Variants in FCAR observed in about 807,000 individuals in gnomAD.
FCAR encodes the protein immunoglobulin alpha Fc receptor.
A neutral mutation model predicts 27.1 loss-of-function variants in FCAR; 21 were observed. That is an observed-to-expected ratio of 0.77 (90% CI 0.55 to 1.11). The LOEUF is 1.11. FCAR is among the 50% of genes most tolerant of loss of function. The probability of loss-of-function intolerance (pLI) is 0.00; values close to 1 mark genes in which losing one functional copy is unlikely to be tolerated. For synonymous variants in FCAR, 134 were observed against 135.8 expected, an observed-to-expected ratio of 0.99 and a Z score of 0.09; for missense variants, 404 against 358.4, an observed-to-expected ratio of 1.13 and a Z score of -1.03.
chr19:54,887,922 A>T, intron 3 of FCAR, 85 bp from the exon 4 acceptor site: 1 of 1,153,888 alleles, frequency 8.7e-7, no homozygotes, highest in South Asian at 1.9e-5. Context: ...CATCTCAAAA[A>T]AATATATAAT....
rs587688086 is a variant in FCAR at position 54,880,308 on chromosome 19, A to G, written c.71-4927A>G. On this transcript the variant is annotated intron_variant, in intron 2 of 4. Coordinates refer to ENST00000355524, the MANE Select transcript of FCAR (RefSeq NM_002000.4). ...GAATTAGTTCAGAGAGCCAGTATTC[A>G]TGCTCTGAGATTCTTTCCTTATTTT... 7.0e-4 allele frequency among the ~76,000 whole-genome samples: 106 copies of G among 152,274 alleles called. 1 individual carries two copies. The highest frequency in any genetic ancestry group is 3.9e-3 in the South Asian group (19 of 4,826).
chr19:54,889,392 AC>A (rs368498890), intron 4 of FCAR, among the ~76,000 whole-genome samples: 6,700 of 112,630 alleles, frequency 0.059, 358 homozygotes, highest in African/African-American at 0.13. Context: ...AAAAAAAAAA[AC>A]ACACACAACC....
rs1183585480 is a variant in FCAR, at chr19:54,891,117, G to C, written c.*1254G>C. On this transcript the variant is annotated 3_prime_UTR_variant, in exon 5 of 5. Transcript: ENST00000355524. ...AATTCTTGTGTACAAAACTCAAATGGTCTTCCAAATAATTCCCCATTCTTT... is the reference window on the plus strand; with the variant it reads ...AATTCTTGTGTACAAAACTCAAATGCTCTTCCAAATAATTCCCCATTCTTT... The C allele has an allele frequency of 6.6e-6, 1 of 152,048 alleles. No individual in the cohort carries two copies. The highest frequency in any genetic ancestry group is 1.5e-5 in the Non-Finnish European group (1 of 68,024). The allele number at this position is 152,048 out of a possible 1,614,324, so 9.4% of individuals were successfully genotyped here. A position where few individuals can be genotyped will look rare whatever the true frequency, so the allele number is the denominator to read the frequency against.
In FCAR at chr19:54,888,203, T is replaced by C; in HGVS notation, c.558T>C (p.Asn186=). The change falls in exon 4 of 5, where the codon AAT becomes AAC. Residue 186 remains asparagine, a synonymous_variant. Transcript: ENST00000355524. The stretch of plus-strand genomic sequence containing the variant: ...TCTCTTTGGGTCCTGTGGACCTCAA[T>C]GTCTCAGGGATCTACAGGTGCTACG... The part of the protein sequence containing the change: ...ANFSLGPVDL[N]VSGIYRCYGW... 1 of 1,614,120 alleles carries C rather than the reference T, an allele frequency of 6.2e-7. No individual in the cohort carries two copies. The highest frequency in any genetic ancestry group is 1.1e-5 in the South Asian group (1 of 91,082).
chr19:54,881,992 G>A (rs2145878565), intron 2 of FCAR, among the ~76,000 whole-genome samples: 1 of 152,324 alleles, frequency 6.6e-6, no homozygotes, highest in African/African-American at 2.4e-5. Flanking sequence ...GGCAGCAGAG[G>A]CAGAACCCTT....
rs2066665001 is a variant in FCAR at position 54,885,485 on chromosome 19, C to G, written c.321C>G (p.Tyr107Ter). 1 of 1,613,262 alleles carries G rather than the reference C, an allele frequency of 6.2e-7. No individual in the cohort carries two copies. Among genetic ancestry groups the G allele is most frequent in the Admixed American group, 1.7e-5 (1 of 59,990 alleles). The change falls in exon 3 of 5, where the codon TAC (tyrosine) becomes TAG (stop). Residue 107 changes from tyrosine to a stop codon, truncating the protein, a stop_gained. Coordinates refer to ENST00000355524, the MANE Select transcript of FCAR (RefSeq NM_002000.4). LOFTEE classifies it high-confidence loss of function. ...AGTGCCAATATAGGATAGGGCACTA[C>G]AGGTTCCGGTACAGTGACACCCTGG... ...RYQCQYRIGH[Y>*]RFRYSDTLEL...
At chr19:54,888,372 G>T in intron 4 of FCAR, 78 bp downstream of exon 4, 1 of 1,560,480 alleles carries the variant, frequency 6.4e-7, no homozygotes, top group South Asian at 1.2e-5. Flanking sequence ...ATGAAGACGT[G>T]CACTGAGAGT....
chr19:54,879,482 T>C (rs1481727312), intron 2 of FCAR, among the ~76,000 whole-genome samples: 2 of 152,216 alleles, frequency 1.3e-5, no homozygotes, highest in African/African-American at 4.8e-5. Flanking sequence ...GTAAAGGATC[T>C]TATTTCTCCT....
intron 4 of FCAR, among the ~76,000 whole-genome samples, chr19:54,889,437 C>T (rs2066945468): frequency 6.6e-6 from 1 of 150,980 alleles, no homozygotes; most frequent in Admixed American, 6.6e-5. Flanking sequence ...GTTTATAGCA[C>T]TTCCCTGGGA....
intron 3 of FCAR, among the ~76,000 whole-genome samples, chr19:54,887,495 C>T (rs7258735): frequency 0.32 from 47,683 of 150,872 alleles, 7,767 homozygotes; most frequent in Admixed American, 0.44. Flanking sequence ...GTGGCGGGTG[C>T]CTGTAATCCC....
Position 54,878,873 on chromosome 19 carries a change from GCTTTTT to G in FCAR, c.70+3509_70+3514del, listed in dbSNP as rs1352665162. ...TATAGGCAGCATAATGTTGAGTCTT[GCTTTTT>G]TTTTTTTTTTTTTTTTTGAGATGGA... is the stretch of plus-strand genomic sequence containing the variant. On this transcript the variant is annotated intron_variant, in intron 2 of 4. Coordinates refer to ENST00000355524, the MANE Select transcript of FCAR (RefSeq NM_002000.4). 6.4e-5 allele frequency among the ~76,000 whole-genome samples: 6 copies of G among 93,866 alleles called. No individual in the cohort carries two copies. The Admixed American group carries it at 8.1e-4, about 13-fold the overall frequency. 61.6% of individuals were successfully genotyped at this position (93,866 alleles called of 152,430 possible). A position where few individuals can be genotyped will look rare whatever the true frequency, so the allele number is the denominator to read the frequency against.
intron 2 of FCAR, chr19:54,880,696 T>G (rs1418368949): frequency 6.6e-6 from 1 of 151,358 alleles, no homozygotes; most frequent in Non-Finnish European, 1.5e-5. Flanking sequence ...TGTGCTGCAA[T>G]TTGAATTTTT....
intron 2 of FCAR, among the ~76,000 whole-genome samples, chr19:54,878,278 T>C (rs954410932): frequency 1.4e-4 from 21 of 152,204 alleles, no homozygotes; most frequent in Non-Finnish European, 2.5e-4. Flanking sequence ...CATGAGGCAA[T>C]GAAAACAATG....
chr19:54,877,919 G>GTTTTT (rs60830828), intron 2 of FCAR, among the ~76,000 whole-genome samples: 1 of 141,510 alleles, frequency 7.1e-6, no homozygotes, highest in Non-Finnish European at 1.5e-5. Flanking sequence ...GCTAAGGATT[G>GTTTTT]TTTTTTTTTT....
At chr19:54,888,807 G>C in intron 4 of FCAR, 1 of 994,158 alleles carries the variant, frequency 1.0e-6, no homozygotes, top group Non-Finnish European at 1.2e-6. Context: ...CGCCTGGCCA[G>C]GCTGCACACA....
chr19:54,877,895 G>A (rs1053830123), intron 2 of FCAR, among the ~76,000 whole-genome samples: 1 of 148,954 alleles, frequency 6.7e-6, no homozygotes, highest in Non-Finnish European at 1.5e-5. Context: ...CTCTGATTTC[G>A]CTTTTCTGGA....
At chr19:54,883,006 G>A (rs945216933) in intron 2 of FCAR, among the ~76,000 whole-genome samples, 1 of 151,430 alleles carries the variant, frequency 6.6e-6, no homozygotes, top group Non-Finnish European at 1.5e-5. Context: ...GTTTTGTTTC[G>A]TTTTTTGTTT....
intron 2 of FCAR, among the ~76,000 whole-genome samples, chr19:54,878,139 G>C (rs193115839): frequency 1.3e-5 from 2 of 152,090 alleles, no homozygotes; most frequent in South Asian, 2.1e-4. Context: ...GGATGGTCTC[G>C]ATCTCCTGAC....
chr19:54,889,168 G>C (rs587746181), intron 4 of FCAR: 1 of 153,134 alleles, frequency 6.5e-6, no homozygotes, highest in Non-Finnish European at 1.4e-5. Flanking sequence ...TCGGGAGTTC[G>C]AGACCAGCCT....
Sources: allele counts gnomAD v4.1 joint callset (sites outside exome capture counted in the v4.1 genomes callset), GRCh38; gene constraint gnomAD v4.1.1; transcripts MANE v1.5; gene names NCBI Gene and HGNC (gene_info 2026-07-23, HGNC 2026-07-21).